The following SLA variants were observed in gnomAD, a reference collection of about 807,000 sequenced individuals.
The protein encoded by SLA is src-like-adapter.
In SLA, 16 loss-of-function variants were observed where a neutral mutation model predicts 30.3. That is an observed-to-expected ratio of 0.53 (90% CI 0.36 to 0.80). The LOEUF (loss-of-function observed/expected upper bound fraction) is 0.80, where lower values mean the gene tolerates loss of function less well. Ranked by LOEUF, SLA falls within the 30% of genes least tolerant of loss-of-function variation. SLA has a pLI of 0.01. For synonymous variants in SLA, 143 were observed against 137.8 expected (o/e 1.04, Z -0.26); for missense variants, 310 against 345.2 (o/e 0.90, Z 0.81).
At chr8:133,047,047 A>T (rs2131175284) in intron 6 of SLA, 1 of 152,326 alleles carries the variant, frequency 6.6e-6, no homozygotes, top group East Asian at 1.9e-4. Context: ...CTAGCTGTTA[A>T]GTATTTGGGG....
At chr8:133,046,462 G>A (rs967269114) in intron 6 of SLA, 3 of 152,358 alleles carry the variant, frequency 2.0e-5, no homozygotes, top group South Asian at 4.1e-4. Flanking sequence ...AACCCAGCAT[G>A]AGCCTTCCCG....
intron 7 of SLA, among the ~76,000 whole-genome samples, chr8:133,042,072 C>G (rs1838359356): frequency 6.6e-6 from 1 of 152,088 alleles, no homozygotes; most frequent in African/African-American, 2.4e-5. Flanking sequence ...CAGGTGTGAG[C>G]CACCACACCC....
intron 2 of SLA, among the ~76,000 whole-genome samples, chr8:133,070,586 G>A (rs186208352): frequency 7.7e-4 from 118 of 152,306 alleles, no homozygotes; most frequent in Middle Eastern, 3.4e-3. Flanking sequence ...GAGTCTCAGA[G>A]AGGTAAGTAA....
intron 3 of SLA, among the ~76,000 whole-genome samples, chr8:133,051,302 G>C (rs1452691213): frequency 1.6e-4 from 25 of 152,166 alleles, no homozygotes; most frequent in Admixed American, 1.6e-3. Flanking sequence ...GAGAGGAGAT[G>C]AGAGTATGTT....
intron 3 of SLA, among the ~76,000 whole-genome samples, chr8:133,054,060 A>G (rs1840910839): frequency 2.0e-5 from 3 of 152,332 alleles, no homozygotes; most frequent in South Asian, 2.1e-4. Flanking sequence ...GCCTGGTGCC[A>G]GGATCCCTTC....
chr8:133,062,659 C>T (rs140269376), intron 2 of SLA, among the ~76,000 whole-genome samples: 7 of 152,288 alleles, frequency 4.6e-5, no homozygotes, highest in African/African-American at 1.7e-4. Flanking sequence ...GTGTGACATG[C>T]AGAGGCCGCT....
At chr8:133,101,509 C>T (rs1399321475) in intron 1 of SLA, among the ~76,000 whole-genome samples, 3 of 152,162 alleles carry the variant, frequency 2.0e-5, no homozygotes, top group Non-Finnish European at 4.4e-5. Context: ...TTACTCCATC[C>T]TCTGTCCTTT....
intron 2 of SLA, among the ~76,000 whole-genome samples, chr8:133,069,223 G>A (rs543055453): frequency 3.3e-5 from 5 of 152,336 alleles, no homozygotes; most frequent in East Asian, 1.9e-4. Context: ...TTATTGCATC[G>A]TATTTCCCAG....
At chr8:133,094,326 C>T (rs868081597) in intron 1 of SLA, among the ~76,000 whole-genome samples, 8 of 150,398 alleles carry the variant, frequency 5.3e-5, no homozygotes, top group Middle Eastern at 3.4e-3. Context: ...CTGCAAGCTC[C>T]GCCTCCCGGG....
chr8:133,101,169 C>CCCCT, intron 1 of SLA, among the ~76,000 whole-genome samples: 2 of 151,822 alleles, frequency 1.3e-5, no homozygotes, highest in Non-Finnish European at 2.9e-5. Context: ...ACCTTACCCC[C>CCCCT]ACCATACGCA....
rs1837430217 is a variant in SLA, at chr8:133,038,186, T to C, written c.*338A>G. Reference sequence around the variant, plus strand: ...TAACTGTCTGGACAGGTCCAGTTCCTTGGAGAGCAGTCCTGGTGCCCTTTC... The same window carrying C: ...TAACTGTCTGGACAGGTCCAGTTCCCTGGAGAGCAGTCCTGGTGCCCTTTC... On this transcript the variant is annotated 3_prime_UTR_variant, in exon 9 of 9. Transcript: ENST00000338087. The C allele has an allele frequency of 6.0e-6, 2 of 331,976 alleles. No homozygotes were observed. The highest frequency in any genetic ancestry group is 2.2e-5 in the African/African-American group (1 of 46,390). 20.6% of individuals were successfully genotyped at this position (331,976 alleles called of 1,614,324 possible).
chr8:133,039,442 T>A (rs959630220), intron 8 of SLA, among the ~76,000 whole-genome samples: 3 of 152,220 alleles, frequency 2.0e-5, no homozygotes, highest in Non-Finnish European at 2.9e-5. Flanking sequence ...TTTCTTTGAT[T>A]TGCCAATGGG....
chr8:133,067,776 T>TAGAAAGAAAGAAAGAAAA (rs1189458283), intron 2 of SLA, among the ~76,000 whole-genome samples: 1 of 140,916 alleles, frequency 7.1e-6, no homozygotes, highest in African/African-American at 2.7e-5. Context: ...AGACTCCATC[T>TAGAAAGAAAGAAAGAAAA]AGAAAGAAAG....
chr8:133,083,854 C>T (rs1846102262), intron 1 of SLA, among the ~76,000 whole-genome samples: 2 of 152,160 alleles, frequency 1.3e-5, no homozygotes, highest in Non-Finnish European at 2.9e-5. Flanking sequence ...AGTGAAGCCA[C>T]CTCCTCCTCA....
rs565413296 is a variant in SLA, at chr8:133,056,648, G to A, written c.61+3452C>T. Among the ~76,000 whole-genome samples, 8 of 152,328 alleles carry A rather than the reference G, an allele frequency of 5.3e-5. No individual in the cohort carries two copies. In the South Asian group the frequency reaches 6.2e-4, roughly 12 times the overall value. ...ACCTCAGATTCTCCAACTGCAAAAC[G>A]GAGATGATAATAGGCAGAAGCCTCG... On this transcript the variant is annotated intron_variant, in intron 3 of 8. Transcript: ENST00000338087.
intron 1 of SLA, chr8:133,096,386 G>A (rs536330266): frequency 6.2e-7 from 1 of 1,613,988 alleles, no homozygotes; most frequent in Non-Finnish European, 8.5e-7. Flanking sequence ...AAGCAGGGAG[G>A]GGGCCTCGGA....
chr8:133,042,259 C>T (rs1218995226), intron 7 of SLA, among the ~76,000 whole-genome samples: 1 of 152,220 alleles, frequency 6.6e-6, no homozygotes, highest in Non-Finnish European at 1.5e-5. Flanking sequence ...CTCTTGGGTT[C>T]AGACCCCCTG....
chr8:133,049,598 C>A (rs2131208031), intron 5 of SLA: 3 of 386,512 alleles, frequency 7.8e-6, no homozygotes, highest in South Asian at 5.1e-5. Flanking sequence ...CTAGTCTCTG[C>A]ACTGTGCTGT....
At chr8:133,089,913 T>G (rs762949004) in intron 1 of SLA, 28 of 152,320 alleles carry the variant, frequency 1.8e-4, no homozygotes, top group Admixed American at 5.9e-4. Context: ...TGCAGCTTCT[T>G]CTGGGCCACC....
Sources: allele counts gnomAD v4.1 joint callset (sites outside exome capture counted in the v4.1 genomes callset), GRCh38; gene constraint gnomAD v4.1.1; transcripts MANE v1.5; gene names NCBI Gene and HGNC (gene_info 2026-07-23, HGNC 2026-07-21).